Variants in LIPE observed in about 807,000 individuals in gnomAD.
The protein encoded by LIPE is hormone-sensitive lipase.
A neutral mutation model predicts 88.5 loss-of-function variants in LIPE; 66 were observed. The observed-to-expected ratio is 0.75, with a 90% CI of 0.61 to 0.91. The LOEUF (loss-of-function observed/expected upper bound fraction) is 0.91. Ranked by LOEUF, LIPE falls within the 40% of genes least tolerant of loss-of-function variation. The probability of loss-of-function intolerance (pLI) is 0.00; values close to 1 mark genes in which losing one functional copy is unlikely to be tolerated. For synonymous variants in LIPE, 570 were observed against 617.5 expected (o/e 0.92, Z 1.14); for missense variants, 1,346 against 1,434.7 (o/e 0.94, Z 1.00).
chr19:42,411,586 C>G (rs959805896), intron 1 of LIPE, among the ~76,000 whole-genome samples: 3 of 152,180 alleles, frequency 2.0e-5, no homozygotes, highest in African/African-American at 7.2e-5. Context: ...CTCAGGAGTT[C>G]ACAATTCTAG....
Position 42,414,300 on chromosome 19 carries a change from G to A in LIPE, c.884-3458C>T, listed in dbSNP as rs1205357682. ...AAGAAAGGAAAGAAAGAAAGGAAAG[G>A]AAGGAAAGAAAGAAAGGAAAGAAGA... is the stretch of plus-strand genomic sequence containing the variant. On this transcript the variant is annotated intron_variant, in intron 1 of 9. Transcript: ENST00000244289. The surrounding 1 kb of genome is among the most constrained non-coding windows in gnomAD (Gnocchi z 4.6). 2.6e-5 allele frequency among the ~76,000 whole-genome samples: 4 copies of A among 152,080 alleles called. No homozygotes were observed. Among genetic ancestry groups the A allele is most frequent in the South Asian group, 4.2e-4 (2 of 4,812 alleles).
At chr19:42,402,566 C>A in intron 9 of LIPE, 41 bp downstream of exon 9, 1 of 1,426,588 alleles carries the variant, frequency 7.0e-7, no homozygotes, top group South Asian at 1.8e-5. Flanking sequence ...GTGCCCTGCT[C>A]TTCTCTAAAT....
chr19:42,413,100 C>T (rs560242287), intron 1 of LIPE, among the ~76,000 whole-genome samples: 5 of 152,372 alleles, frequency 3.3e-5, no homozygotes, highest in Non-Finnish European at 5.9e-5. Flanking sequence ...GTCATTCACC[C>T]GTGTCATTCC....
At chr19:42,402,239 G>A (rs571454887) in intron 9 of LIPE, among the ~76,000 whole-genome samples, 164 bp from the exon 10 acceptor site, 1 of 152,088 alleles carries the variant, frequency 6.6e-6, no homozygotes, top group Non-Finnish European at 1.5e-5. Flanking sequence ...GGGAGAGAAT[G>A]GAGGGAATGG....
In LIPE at chr19:42,407,294, C is replaced by T; in HGVS notation, c.2017G>A (p.Glu673Lys). The T allele has an allele frequency of 1.2e-6, 2 of 1,610,358 alleles. No homozygotes were observed. Among genetic ancestry groups the T allele is most frequent in the East Asian group, 4.5e-5 (2 of 44,760 alleles). Residue 673 changes from glutamate (E) to lysine (K), a missense_variant, in exon 6 of 10, where the codon GAG becomes AAG. Coordinates refer to ENST00000244289, the MANE Select transcript of LIPE (RefSeq NM_005357.4). The surrounding 1 kb of genome is among the most constrained non-coding windows in gnomAD (Gnocchi z 5.8). ...HEPYLKSWAQ[E>K]LGAPIISIDY... is the part of the protein sequence containing the mutation. ...ATGGAGATGATGGGGGCGCCCAGCTCCTGGGCCCAGCTCTTGAGGTAGGGC... is the reference window on the plus strand; with the variant it reads ...ATGGAGATGATGGGGGCGCCCAGCTTCTGGGCCCAGCTCTTGAGGTAGGGC...
chr19:42,409,400 C>CAAAAAAAAAAAAAA (rs760628566), intron 2 of LIPE, among the ~76,000 whole-genome samples: 9 of 72,790 alleles, frequency 1.2e-4, no homozygotes, highest in South Asian at 5.0e-4. Flanking sequence ...AAACAAAATA[C>CAAAAAAAAAAAAAA]AAAAAAAAAA....
Position 42,402,754 on chromosome 19 carries a change from G to A in LIPE, c.2820C>T (p.Ala940=). 1 of 1,582,552 alleles carries A rather than the reference G, an allele frequency of 6.3e-7. No homozygotes were observed. The highest frequency in any genetic ancestry group is 1.1e-5 in the South Asian group (1 of 88,084). The change falls in exon 9 of 10, where the codon GCC becomes GCT. Residue 940 remains alanine (A), a synonymous_variant. Coordinates refer to ENST00000244289, the MANE Select transcript of LIPE (RefSeq NM_005357.4). ...PMDRGLGVRA[A]FPEGFHPRRS... ...GTCGGGGGTGGAAACCCTCGGGGAA[G>A]GCGGCACGGACGCCCAGGCCTCTGT...
chr19:42,420,334 G>A (rs1354606850), intron 1 of LIPE, among the ~76,000 whole-genome samples: 1 of 152,094 alleles, frequency 6.6e-6, no homozygotes, highest in Non-Finnish European at 1.5e-5. Context: ...GCAGGTATGT[G>A]TCATGGCTGG....
chr19:42,401,727 T>G lies in LIPE; in HGVS notation c.*85A>C. The stretch of plus-strand genomic sequence containing the variant: ...CCCCGCCCCCTTGCCACCCCCGACT[T>G]AAGTAAGGCACAGCCCGCGTCCCCT... On this transcript the variant is annotated 3_prime_UTR_variant, in exon 10 of 10. Transcript: ENST00000244289. 1 of 198,042 alleles carries G rather than the reference T, an allele frequency of 5.0e-6. No individual in the cohort carries two copies. The highest frequency in any genetic ancestry group is 8.3e-6 in the Non-Finnish European group (1 of 121,144). 12.3% of individuals were successfully genotyped at this position (198,042 alleles called of 1,614,324 possible).
intron 1 of LIPE, among the ~76,000 whole-genome samples, chr19:42,421,484 T>C (rs34153633): frequency 5.6e-4 from 85 of 152,374 alleles, no homozygotes; most frequent in African/African-American, 1.9e-3. Flanking sequence ...GTAATATCTG[T>C]GTCCCCAGCT....
At position 42,407,697 on chromosome 19, in the gene LIPE, G is replaced by A. The variant is rs774493314; in HGVS notation, c.1751C>T (p.Thr584Met). 9.4e-6 allele frequency: 15 copies of A among 1,595,500 alleles called. No homozygotes were observed. Among genetic ancestry groups the A allele is most frequent in the Middle Eastern group, 3.3e-4 (2 of 5,974 alleles). The change falls in exon 5 of 10, where the codon ACG (threonine) becomes ATG (methionine). Residue 584 changes from threonine to methionine, a missense_variant. Thr to Met is a moderately conservative substitution (Grantham distance 81). Transcript: ENST00000244289. The surrounding 1 kb of genome is among the most constrained non-coding windows in gnomAD (Gnocchi z 5.8). ...AFEMPLTADP[T>M]LTVTISPPLA... ...TGGGGGTGAGATGGTGACCGTGAGC[G>A]TGGGGTCGGCAGTCAGTGGCATCTC...
rs554941173 is a variant in LIPE, at chr19:42,423,663, T to G, written c.883+2604A>C. ...AATCCCGAGCTTGCTCTTCTCTGGG[T>G]CCAGCTCCCTAACCAATTCTGGTCT... On this transcript the variant is annotated intron_variant, in intron 1 of 9. Transcript: ENST00000244289. 228 of 1,161,972 alleles carry G rather than the reference T, an allele frequency of 2.0e-4. No individual in the cohort carries two copies. In the African/African-American group the frequency reaches 3.4e-3, roughly 18 times the overall value. The allele number at this position is 1,161,972 out of a possible 1,614,324, so 72.0% of individuals were successfully genotyped here.
At chr19:42,413,490 C>G (rs2040426289) in intron 1 of LIPE, among the ~76,000 whole-genome samples, 1 of 152,136 alleles carries the variant, frequency 6.6e-6, no homozygotes, top group African/African-American at 2.4e-5. Context: ...ACGGTGAAAC[C>G]CCGTCTCTAC....
Position 42,406,018 on chromosome 19 carries a change from A to ACACACACG in LIPE, c.2365+142_2365+143insCGTGTGTG. ...CACACACACACACACACACACACACACGAAAAAAAAGGGACAAGGAGTCTT... is the reference window on the plus strand; with the variant it reads ...CACACACACACACACACACACACACACACACACGCGAAAAAAAAGGGACAAGGAGTCTT... On this transcript the variant is annotated intron_variant, in intron 7 of 9. Coordinates refer to ENST00000244289, the MANE Select transcript of LIPE (RefSeq NM_005357.4). The surrounding 1 kb of genome is among the most constrained non-coding windows in gnomAD (Gnocchi z 5.7). 8.1e-6 allele frequency: 5 copies of ACACACACG among 619,454 alleles called. No individual in the cohort carries two copies. Among genetic ancestry groups the ACACACACG allele is most frequent in the South Asian group, 7.8e-5 (4 of 51,524 alleles). The allele number at this position is 619,454 out of a possible 1,614,324, so 38.4% of individuals were successfully genotyped here.
chr19:42,423,660 G>T, intron 1 of LIPE: 3 of 1,165,722 alleles, frequency 2.6e-6, no homozygotes, highest in Middle Eastern at 3.9e-4. Context: ...GCTCTTCTCT[G>T]GGTCCAGCTC....
chr19:42,423,708 G>A, intron 1 of LIPE: 1 of 1,131,474 alleles, frequency 8.8e-7, no homozygotes, highest in Non-Finnish European at 1.1e-6. Flanking sequence ...GCCGTGCTCC[G>A]CCCCCAACCG....
intron 1 of LIPE, among the ~76,000 whole-genome samples, chr19:42,422,554 G>A (rs1600145896): frequency 6.6e-6 from 1 of 152,276 alleles, no homozygotes; most frequent in East Asian, 1.9e-4. Flanking sequence ...GAAGCAATGA[G>A]TTTGGGGTCC....
chr19:42,405,792 A>G, intron 7 of LIPE: 1 of 560,760 alleles, frequency 1.8e-6, no homozygotes, highest in Non-Finnish European at 3.2e-6. Context: ...CAACATAGCG[A>G]AAAACACAAA....
rs988120317 is a variant in LIPE, at chr19:42,405,794, A to G, written c.2366-233T>C. 3 of 559,058 alleles carry G rather than the reference A, an allele frequency of 5.4e-6. No homozygotes were observed. The Admixed American group carries it at 9.8e-5, about 18-fold the overall frequency. The allele number at this position is 559,058 out of a possible 1,614,324, so 34.6% of individuals were successfully genotyped here. ...AGACCAGCCTGGGCAACATAGCGAA[A>G]AACACAAAAATTAGCTGGGCGTGGT... On this transcript the variant is annotated intron_variant, in intron 7 of 9. Coordinates refer to ENST00000244289, the MANE Select transcript of LIPE (RefSeq NM_005357.4).
Sources: allele counts gnomAD v4.1 joint callset (sites outside exome capture counted in the v4.1 genomes callset), GRCh38; gene constraint gnomAD v4.1.1; non-coding constraint Gnocchi (gnomAD v3.1); transcripts MANE v1.5; gene names NCBI Gene and HGNC (gene_info 2026-07-23, HGNC 2026-07-21).